ATP8A2: variants seen among roughly 807,000 people sequenced by gnomAD.
The protein encoded by ATP8A2 is ATPase phospholipid transporting 8A2.
ATP8A2 carries 100 observed loss-of-function variants against 165.6 expected under a neutral mutation model. The ratio of observed to expected loss-of-function variants is 0.60; its 90% CI spans 0.51 to 0.71. ATP8A2 has a LOEUF of 0.71. Ranked by LOEUF, ATP8A2 falls within the 30% of genes least tolerant of loss-of-function variation. ATP8A2 has a pLI of 0.00. For missense variants in ATP8A2, 1,227 were observed against 1,479.5 expected (o/e 0.83, Z 2.80); for synonymous variants, 543 against 548.8 (o/e 0.99, Z 0.15).
Position 25,480,211 on chromosome 13 carries a change from C to T in ATP8A2, c.221+11090C>T, listed in dbSNP as rs866835219. On this transcript the variant is annotated intron_variant, in intron 2 of 36. Transcript: ENST00000381655. ...CTCCCGGACGGAGTGGCTGGCCGGG[C>T]AGAGGGGCTCCTCACTTCCCAGTAG... Among the ~76,000 whole-genome samples, 702 of 151,134 alleles carry T rather than the reference C, an allele frequency of 4.6e-3. 4 individuals carry two copies. The highest frequency in any genetic ancestry group is 0.017 in the African/African-American group (681 of 41,154).
At chr13:25,857,323 G>T (rs1420126114) in intron 30 of ATP8A2, among the ~76,000 whole-genome samples, 3 of 152,088 alleles carry the variant, frequency 2.0e-5, no homozygotes, top group Non-Finnish European at 4.4e-5. Context: ...TTGTTCCAGA[G>T]CTCCCTATCT....
intron 25 of ATP8A2, among the ~76,000 whole-genome samples, chr13:25,715,625 T>C (rs768550413): frequency 4.6e-5 from 7 of 152,256 alleles, no homozygotes; most frequent in Admixed American, 2.6e-4. Context: ...GGGTCATTCA[T>C]GTCGTAGCAT....
chr13:25,723,033 T>C (rs2043414803), intron 25 of ATP8A2, among the ~76,000 whole-genome samples: 1 of 152,252 alleles, frequency 6.6e-6, no homozygotes, highest in South Asian at 2.1e-4. Context: ...CACTGCTACA[T>C]AAAGTTCCAT....
Position 25,556,925 on chromosome 13 carries a change from C to T in ATP8A2, c.1263+1857C>T, listed in dbSNP as rs924615614. ...CATTATCCCTCTGTGAAAATGCAGG[C>T]GACATGGCTCATTGATCTGAGGGTT... On this transcript the variant is annotated intron_variant, in intron 13 of 36. Coordinates refer to ENST00000381655, the MANE Select transcript of ATP8A2 (RefSeq NM_016529.6). 5.9e-5 allele frequency among the ~76,000 whole-genome samples: 9 copies of T among 152,198 alleles called. No individual in the cohort carries two copies. The East Asian group carries it at 1.4e-3, about 23-fold the overall frequency.
intron 33 of ATP8A2, among the ~76,000 whole-genome samples, chr13:25,912,706 G>A (rs534000675): frequency 1.0e-3 from 158 of 152,234 alleles, no homozygotes; most frequent in African/African-American, 3.5e-3. Context: ...TTAATTAACT[G>A]TGTAAGTATG....
At chr13:25,780,432 T>C (rs2044847674) in intron 27 of ATP8A2, among the ~76,000 whole-genome samples, 1 of 152,122 alleles carries the variant, frequency 6.6e-6, no homozygotes. Context: ...GGAAATGAGA[T>C]GCATATTTAG....
chr13:25,468,756 C>CGGGGCGTGGGCGTGGGCG, intron 1 of ATP8A2: 5 of 863,838 alleles, frequency 5.8e-6, no homozygotes, highest in Non-Finnish European at 7.0e-6. Context: ...AGGGGCCGCG[C>CGGGGCGTGGGCGTGGGCG]GGGGCGTGGG....
chr13:25,964,192 TA>T (rs1434685830), intron 34 of ATP8A2, among the ~76,000 whole-genome samples: 1 of 152,246 alleles, frequency 6.6e-6, no homozygotes, highest in African/African-American at 2.4e-5. Context: ...AGGTGCTTTC[TA>T]AAATGGATTT....
chr13:25,917,113 C>A (rs1024521290), intron 33 of ATP8A2, among the ~76,000 whole-genome samples: 2 of 152,214 alleles, frequency 1.3e-5, no homozygotes, highest in African/African-American at 4.8e-5. Context: ...GCCGCCCATG[C>A]CTGGTAGTAA....
At chr13:25,804,826 A>G (rs183119464) in intron 27 of ATP8A2, among the ~76,000 whole-genome samples, 1 of 152,206 alleles carries the variant, frequency 6.6e-6, no homozygotes, top group African/African-American at 2.4e-5. Flanking sequence ...GTCTCTGCCC[A>G]AGGGGACTTC....
intron 36 of ATP8A2, among the ~76,000 whole-genome samples, chr13:26,014,564 C>T (rs1956923939): frequency 6.6e-6 from 1 of 151,860 alleles, no homozygotes; most frequent in Admixed American, 6.6e-5. Context: ...TGGGTCCCTA[C>T]CTAAGGAAGG....
rs147917048 is a variant in ATP8A2 at position 25,934,118 on chromosome 13, A to C, written c.3184-27457A>C. On this transcript the variant is annotated intron_variant, in intron 33 of 36. Coordinates refer to ENST00000381655, the MANE Select transcript of ATP8A2 (RefSeq NM_016529.6). ...CTTAAGAATCCAAATGAAAATACTT[A>C]GTGTCAGTTGCTAACAGTTTATGAA... Among the ~76,000 whole-genome samples the C allele has an allele frequency of 5.3e-5, 8 of 152,370 alleles. No homozygotes were observed. In the East Asian group the frequency reaches 1.2e-3, roughly 22 times the overall value.
chr13:25,512,937 G>A (rs1425519144), intron 2 of ATP8A2, among the ~76,000 whole-genome samples: 3 of 147,252 alleles, frequency 2.0e-5, no homozygotes, highest in Middle Eastern at 7.4e-3. Context: ...CCTCCCGGAT[G>A]GGGCGGCTGG....
intron 25 of ATP8A2, among the ~76,000 whole-genome samples, chr13:25,746,382 A>G (rs371530542): frequency 1.3e-5 from 2 of 152,246 alleles, no homozygotes; most frequent in African/African-American, 2.4e-5. Context: ...AACTTGGGAA[A>G]TGAGAACAGT....
chr13:25,855,567 A>G (rs185478331), intron 30 of ATP8A2, among the ~76,000 whole-genome samples: 4 of 152,334 alleles, frequency 2.6e-5, no homozygotes, highest in African/African-American at 7.2e-5. Flanking sequence ...ATAATGAATA[A>G]TGCTATTCAT....
chr13:25,727,032 A>G (rs1488884279), intron 25 of ATP8A2, among the ~76,000 whole-genome samples: 2 of 152,086 alleles, frequency 1.3e-5, no homozygotes, highest in Non-Finnish European at 2.9e-5. Context: ...GGTGTCTTTA[A>G]TATCATATCC....
intron 33 of ATP8A2, chr13:25,927,028 C>A: frequency 2.4e-6 from 1 of 418,144 alleles, no homozygotes; most frequent in South Asian, 1.7e-5. Flanking sequence ...CTTCTCCTTG[C>A]CACTCTCTCC....
At chr13:25,589,251 G>C (rs1050835079) in intron 23 of ATP8A2, among the ~76,000 whole-genome samples, 2 of 152,142 alleles carry the variant, frequency 1.3e-5, no homozygotes, top group Non-Finnish European at 2.9e-5. Flanking sequence ...CTTAAAGGAA[G>C]GGAGGGAGCT....
intron 34 of ATP8A2, among the ~76,000 whole-genome samples, chr13:25,968,144 C>T (rs1045857359): frequency 6.6e-6 from 1 of 152,168 alleles, no homozygotes; most frequent in East Asian, 1.9e-4. Context: ...CTTGCTAACC[C>T]CTGGGCTCTC....
Sources: allele counts gnomAD v4.1 joint callset (sites outside exome capture counted in the v4.1 genomes callset), GRCh38; gene constraint gnomAD v4.1.1; transcripts MANE v1.5; gene names NCBI Gene and HGNC (gene_info 2026-07-23, HGNC 2026-07-21).